Variants in PSPC1 observed in about 807,000 individuals in gnomAD.
The protein encoded by PSPC1 is paraspeckle protein 1.
Under a neutral mutation model 51.6 loss-of-function variants are expected in PSPC1, and 14 were observed. That is an observed-to-expected ratio of 0.27 (90% CI 0.18 to 0.42). PSPC1 has a LOEUF of 0.42. Among genes scored for constraint, PSPC1 ranks in the 10% least tolerant of loss-of-function variants. The pLI is 1.00. For synonymous variants in PSPC1, 193 were observed against 231.9 expected, an observed-to-expected ratio of 0.83 and a Z score of 1.53; for missense variants, 406 against 701.1, an observed-to-expected ratio of 0.58 and a Z score of 4.75.
At chr13:19,760,013 T>C (rs182409599) in intron 2 of PSPC1, among the ~76,000 whole-genome samples, 277 of 152,298 alleles carry the variant, frequency 1.8e-3, no homozygotes, top group South Asian at 4.8e-3. Context: ...AACGAATTTG[T>C]ACCTAACCCA....
At position 19,738,206 on chromosome 13, in the gene PSPC1, C is replaced by T. The variant is rs532068705; in HGVS notation, c.1052+3359G>A. ...TGTCAATATTAAACACCACAGAGTT[C>T]ATACCTCTGATTCAAATCACACTCA... is the stretch of plus-strand genomic sequence containing the variant. On this transcript the variant is annotated intron_variant, in intron 5 of 8. Transcript: ENST00000338910. 2.6e-4 allele frequency among the ~76,000 whole-genome samples: 39 copies of T among 152,278 alleles called. No individual in the cohort carries two copies. In the South Asian group the frequency reaches 7.7e-3, roughly 30 times the overall value.
chr13:19,755,972 C>G (rs1887024512), intron 3 of PSPC1, among the ~76,000 whole-genome samples: 1 of 152,130 alleles, frequency 6.6e-6, no homozygotes, highest in East Asian at 1.9e-4. Flanking sequence ...CGCAGTGGCT[C>G]ACATCTGTAA....
intron 3 of PSPC1, among the ~76,000 whole-genome samples, chr13:19,753,072 G>A (rs1444508366): frequency 6.6e-6 from 1 of 151,356 alleles, no homozygotes; most frequent in African/African-American, 2.4e-5. Context: ...CACAACACCA[G>A]GAGTTCAAGA....
intron 7 of PSPC1, chr13:19,675,115 A>G (rs906454859): frequency 6.5e-6 from 1 of 152,880 alleles, no homozygotes; most frequent in African/African-American, 2.4e-5. Flanking sequence ...CCCGCAGCAC[A>G]CACTCCTTCC....
intron 4 of PSPC1, among the ~76,000 whole-genome samples, chr13:19,747,521 CGGG>C (rs1886118611): frequency 6.6e-6 from 1 of 152,002 alleles, no homozygotes; most frequent in Non-Finnish European, 1.5e-5. Context: ...TTGGTAGAGA[CGGG>C]GTCTCACTGT....
chr13:19,717,185 T>C (rs1882199451), intron 6 of PSPC1, among the ~76,000 whole-genome samples: 1 of 152,196 alleles, frequency 6.6e-6, no homozygotes, highest in African/African-American at 2.4e-5. Context: ...CTCAAGATAT[T>C]AGGCCTCTTT....
chr13:19,714,791 A>T lies in PSPC1; in HGVS notation c.1159-5192T>A, dbSNP rs1387894030. ...ATTACAGGTGTGAGCCACCATGCCCAGCCAACCCAATTAATTTCGATGTAA... is the reference window on the plus strand; with the variant it reads ...ATTACAGGTGTGAGCCACCATGCCCTGCCAACCCAATTAATTTCGATGTAA... On this transcript the variant is annotated intron_variant, in intron 6 of 8. Transcript: ENST00000338910. 2.6e-5 allele frequency among the ~76,000 whole-genome samples: 4 copies of T among 152,190 alleles called. No individual in the cohort carries two copies. In the East Asian group the frequency reaches 7.7e-4, roughly 29 times the overall value.
intron 3 of PSPC1, 116 bp downstream of exon 3, chr13:19,759,207 C>G (rs1887379413): frequency 1.3e-6 from 1 of 782,528 alleles, no homozygotes; most frequent in Admixed American, 2.5e-5. Flanking sequence ...GACTAGACCA[C>G]TCTATTACCC....
intron 3 of PSPC1, among the ~76,000 whole-genome samples, chr13:19,758,891 G>C (rs1887347860): frequency 6.6e-6 from 1 of 151,634 alleles, no homozygotes; most frequent in South Asian, 2.1e-4. Context: ...CGTTTTTCTG[G>C]CATGAATATT....
chr13:19,745,492 CAA>C (rs1885875807), intron 4 of PSPC1, among the ~76,000 whole-genome samples: 1 of 152,086 alleles, frequency 6.6e-6, no homozygotes, highest in Admixed American at 6.6e-5. Context: ...TAAAATTGCA[CAA>C]GTCATGAAAA....
At chr13:19,718,854 T>C (rs1593611279) in intron 6 of PSPC1, among the ~76,000 whole-genome samples, 1 of 152,360 alleles carries the variant, frequency 6.6e-6, no homozygotes, top group East Asian at 1.9e-4. Flanking sequence ...CATTGCCAGG[T>C]GACTAGAAGC....
Position 19,730,346 on chromosome 13 carries a change from T to C in PSPC1, c.1053-2A>G. The C allele has an allele frequency of 6.2e-7, 1 of 1,613,654 alleles. No individual in the cohort carries two copies. Among genetic ancestry groups the C allele is most frequent in the East Asian group, 2.2e-5 (1 of 44,862 alleles). ...CGCCGCCGATGCTCCTCTTCATGTC[T>C]GAAAATTTTTCAAATAAAAATTTCA... On this transcript the variant is annotated splice_acceptor_variant, in intron 5 of 8. Coordinates refer to ENST00000338910, the MANE Select transcript of PSPC1 (RefSeq NM_001354909.2). LOFTEE classifies it high-confidence loss of function.
Position 19,678,024 on chromosome 13 carries a change from C to T in PSPC1, c.1159-201G>A, listed in dbSNP as rs187274318. On this transcript the variant is annotated intron_variant and NMD_transcript_variant, in intron 6 of 7. Transcript: ENST00000471658. ...TACTCTCCATTTCCTCAAAGAACAT[C>T]AACTGAATTAAAATCAGCTTCATTT... 2.8e-4 allele frequency: 94 copies of T among 333,360 alleles called. 1 individual carries two copies. The highest frequency in any genetic ancestry group is 2.5e-3 in the East Asian group (30 of 12,184). The allele number at this position is 333,360 out of a possible 1,614,324, so 20.7% of individuals were successfully genotyped here.
chr13:19,733,923 A>G (rs1884452962), intron 5 of PSPC1, among the ~76,000 whole-genome samples: 1 of 152,054 alleles, frequency 6.6e-6, no homozygotes. Flanking sequence ...ACTGCACTCC[A>G]TTCTGGGTGA....
downstream of PSPC1, chr13:19,672,008 G>T: frequency 1.2e-6 from 1 of 862,754 alleles, no homozygotes; most frequent in Non-Finnish European, 1.9e-6. Flanking sequence ...CCTGTTGTCT[G>T]TTGTAGTCTG....
Position 19,782,328 on chromosome 13 carries a change from G to T in PSPC1, c.372+58C>A. 3 of 1,516,528 alleles carry T rather than the reference G, an allele frequency of 2.0e-6. No individual in the cohort carries two copies. In the South Asian group the frequency reaches 3.9e-5, roughly 20 times the overall value. 93.9% of individuals were successfully genotyped at this position (1,516,528 alleles called of 1,614,324 possible). A position where few individuals can be genotyped will look rare whatever the true frequency, so the allele number is the denominator to read the frequency against. On this transcript the variant is annotated intron_variant, in intron 1 of 8. Transcript: ENST00000338910. The surrounding 1 kb of genome is among the most constrained non-coding windows in gnomAD (Gnocchi z 4.5). ...AGGACGAGGCTGGCCTCAGCCCCACGACCCCGCGGCCACCCCGACAGTCCT... is the reference window on the plus strand; with the variant it reads ...AGGACGAGGCTGGCCTCAGCCCCACTACCCCGCGGCCACCCCGACAGTCCT...
chr13:19,755,203 T>G (rs1886949677), intron 3 of PSPC1, among the ~76,000 whole-genome samples: 1 of 150,388 alleles, frequency 6.6e-6, no homozygotes, highest in Non-Finnish European at 1.5e-5. Flanking sequence ...GCCATTGCAC[T>G]GCAGTCTGGG....
At chr13:19,700,433 T>G (rs1195602969), downstream of PSPC1, among the ~76,000 whole-genome samples, 1 of 152,054 alleles carries the variant, frequency 6.6e-6, no homozygotes, top group East Asian at 1.9e-4. Context: ...CACTAAGTGC[T>G]CAGCACTGAT....
chr13:19,751,080 C>T (rs1316826954), intron 4 of PSPC1, among the ~76,000 whole-genome samples, 191 bp downstream of exon 4: 2 of 151,800 alleles, frequency 1.3e-5, no homozygotes, highest in African/African-American at 2.4e-5. Context: ...GTAAAACTAA[C>T]TTTTAGTAAG....
Sources: allele counts gnomAD v4.1 joint callset (sites outside exome capture counted in the v4.1 genomes callset), GRCh38; gene constraint gnomAD v4.1.1; non-coding constraint Gnocchi (gnomAD v3.1); transcripts MANE v1.5; gene names NCBI Gene and HGNC (gene_info 2026-07-23, HGNC 2026-07-21).